NHS: variants seen among roughly 807,000 people sequenced by gnomAD.
NHS encodes the protein actin remodeling regulator NHS.
In NHS, 5 loss-of-function variants were observed where a neutral mutation model predicts 72.5. The ratio of observed to expected loss-of-function variants is 0.07; its 90% CI spans 0.04 to 0.14. The LOEUF is 0.14. NHS is among the 10% of genes least tolerant of loss of function. The pLI, the probability that NHS is intolerant of heterozygous loss-of-function variation, is 1.00. For missense variants in NHS, 1,072 were observed against 1,355.7 expected, an observed-to-expected ratio of 0.79 and a Z score of 3.29; for synonymous variants, 464 against 547.7, an observed-to-expected ratio of 0.85 and a Z score of 2.13.
rs781557767 is a variant in NHS, at chrX:17,534,411, C to T, written c.566-153331C>T. ...TAGCTACCTTTGCTTAGCCAGCACA[C>T]GCCCTCATGTTGGAGACCTAGGTGG... is the stretch of plus-strand genomic sequence containing the variant. On this transcript the variant is annotated intron_variant, in intron 1 of 8. Transcript: ENST00000676302. 1.2e-4 allele frequency among the ~76,000 whole-genome samples: 13 copies of T among 110,908 alleles called. No individual in the cohort carries two copies. The East Asian group carries it at 2.5e-3, about 22-fold the overall frequency.
intron 1 of NHS, among the ~76,000 whole-genome samples, chrX:17,403,914 A>T (rs895933719): frequency 9.0e-6 from 1 of 110,595 alleles, no homozygotes; most frequent in Non-Finnish European, 1.9e-5. Flanking sequence ...CTCCCCACTT[A>T]CCTTTTCATA....
intron 1 of NHS, among the ~76,000 whole-genome samples, chrX:17,430,880 A>G (rs2064691959): frequency 8.9e-6 from 1 of 112,049 alleles, no homozygotes; most frequent in Admixed American, 9.4e-5. Context: ...TTATTCATTG[A>G]TGGACATTTG....
intron 1 of NHS, among the ~76,000 whole-genome samples, chrX:17,411,852 A>G (rs1031737239): frequency 1.8e-5 from 2 of 111,860 alleles, no homozygotes; most frequent in African/African-American, 6.5e-5. Context: ...ATGAGCAAGT[A>G]ATTTTTTTTG....
At chrX:17,573,907 T>G (rs1414728777) in intron 1 of NHS, among the ~76,000 whole-genome samples, 1 of 111,980 alleles carries the variant, frequency 8.9e-6, no homozygotes, top group Non-Finnish European at 1.9e-5. Context: ...TCCTTTCTGT[T>G]TGTTAGTTTT....
At chrX:17,481,086 A>G (rs761847923) in intron 1 of NHS, among the ~76,000 whole-genome samples, 7 of 111,650 alleles carry the variant, frequency 6.3e-5, no homozygotes. Context: ...ACATCTCATC[A>G]AACACCCATT....
chrX:17,582,557 C>T (rs2065549431), intron 1 of NHS, among the ~76,000 whole-genome samples: 1 of 111,696 alleles, frequency 9.0e-6, no homozygotes, highest in South Asian at 3.8e-4. Context: ...TTGGCCTTTT[C>T]TTGGATATGC....
intron 1 of NHS, among the ~76,000 whole-genome samples, chrX:17,629,181 A>G (rs1254986473): frequency 1.8e-5 from 2 of 112,386 alleles, no homozygotes; most frequent in Non-Finnish European, 3.8e-5. Context: ...AGGGAGATTG[A>G]CATCTTGCAA....
chrX:17,717,788 G>C (rs2066372955), intron 3 of NHS, among the ~76,000 whole-genome samples: 1 of 111,630 alleles, frequency 9.0e-6, no homozygotes, highest in Admixed American at 9.5e-5. Flanking sequence ...CTCCAAATGT[G>C]GTCTATGAAT....
intron 7 of NHS, 131 bp from the exon 8 acceptor site, chrX:17,728,518 T>C: frequency 5.0e-6 from 5 of 996,400 alleles, no homozygotes; most frequent in Non-Finnish European, 7.0e-6. Context: ...GGTATCTCTC[T>C]CATTTTTAAA....
At chrX:17,446,080 C>T (rs767149340) in intron 1 of NHS, among the ~76,000 whole-genome samples, 1 of 110,373 alleles carries the variant, frequency 9.1e-6, no homozygotes, top group Non-Finnish European at 1.9e-5. Flanking sequence ...TTCTATATGA[C>T]AAATGCTCCT....
intron 1 of NHS, among the ~76,000 whole-genome samples, chrX:17,641,030 AAG>A (rs1851771540): frequency 8.9e-6 from 1 of 112,438 alleles, no homozygotes; most frequent in Non-Finnish European, 1.9e-5. Flanking sequence ...TTCCCTAAGA[AAG>A]AGTTGATCTG....
chrX:17,673,723 C>T (rs1380456618), intron 1 of NHS, among the ~76,000 whole-genome samples: 1 of 111,873 alleles, frequency 8.9e-6, no homozygotes, highest in Non-Finnish European at 1.9e-5. Flanking sequence ...TATCAACAGA[C>T]TCATTCTAAC....
At chrX:17,424,728 T>C (rs967767107) in intron 1 of NHS, among the ~76,000 whole-genome samples, 1 of 112,427 alleles carries the variant, frequency 8.9e-6, no homozygotes, top group Non-Finnish European at 1.9e-5. Flanking sequence ...TCTCTGCTCA[T>C]TGATCTTGAA....
chrX:17,436,646 C>T (rs1441515563), intron 1 of NHS, among the ~76,000 whole-genome samples: 1 of 109,268 alleles, frequency 9.2e-6, no homozygotes, highest in African/African-American at 3.3e-5. Flanking sequence ...ATCAAGCCAC[C>T]TCTCCCCTTG....
intron 1 of NHS, among the ~76,000 whole-genome samples, chrX:17,475,249 A>C (rs1389502171): frequency 8.9e-6 from 1 of 112,678 alleles, no homozygotes. Context: ...GCCTGGTCCC[A>C]GAGCAGACAC....
rs1025556175 is a variant in NHS at position 17,721,774 on chromosome X, T to C, written c.1108+141T>C. 5.9e-6 allele frequency: 3 copies of C among 509,568 alleles called. No homozygotes were observed. In the African/African-American group the frequency reaches 7.2e-5, roughly 12 times the overall value. 42.0% of individuals were successfully genotyped at this position (509,568 alleles called of 1,213,427 possible). On this transcript the variant is annotated intron_variant, in intron 5 of 8. Coordinates refer to ENST00000676302, the MANE Select transcript of NHS (RefSeq NM_001291867.2). ...CATCAAAATACAAACCCAGAGGATGTTCGATATGCTTTTGTCAGGTTTTGA... is the reference window on the plus strand; with the variant it reads ...CATCAAAATACAAACCCAGAGGATGCTCGATATGCTTTTGTCAGGTTTTGA...
intron 1 of NHS, among the ~76,000 whole-genome samples, chrX:17,383,647 A>C (rs2064390783): frequency 8.9e-6 from 1 of 111,919 alleles, no homozygotes; most frequent in Non-Finnish European, 1.9e-5. Flanking sequence ...AAGAGAACTT[A>C]CTCACTGTCA....
At chrX:17,570,725 A>AGAG (rs774249097) in intron 1 of NHS, among the ~76,000 whole-genome samples, 1 of 111,659 alleles carries the variant, frequency 9.0e-6, no homozygotes, top group Non-Finnish European at 1.9e-5. Flanking sequence ...GAGCGGTGAG[A>AGAG]GAGGGCATCC....
chrX:17,443,496 G>A (rs994090012), intron 1 of NHS, among the ~76,000 whole-genome samples: 2 of 111,627 alleles, frequency 1.8e-5, no homozygotes, highest in Non-Finnish European at 3.8e-5. Flanking sequence ...GAGGTGGTGA[G>A]GAATACTCTG....
Sources: allele counts gnomAD v4.1 joint callset (sites outside exome capture counted in the v4.1 genomes callset), GRCh38; gene constraint gnomAD v4.1.1; transcripts MANE v1.5; gene names NCBI Gene and HGNC (gene_info 2026-07-23, HGNC 2026-07-21).